Variants in PARVA observed in about 807,000 individuals in gnomAD.
PARVA encodes the protein parvin alpha.
In PARVA, 25 loss-of-function variants were observed where a neutral mutation model predicts 52.6. The observed-to-expected ratio is 0.48, with a 90% CI of 0.35 to 0.66. The LOEUF (loss-of-function observed/expected upper bound fraction) is 0.66. Ranked by LOEUF, PARVA falls within the 30% of genes least tolerant of loss-of-function variation. PARVA has a pLI of 0.01. For missense variants in PARVA, 373 were observed against 450.9 expected (o/e 0.83, Z 1.56); for synonymous variants, 185 against 179.1 (o/e 1.03, Z -0.26).
At chr11:12,520,329 C>T (rs564379388) in intron 12 of PARVA, among the ~76,000 whole-genome samples, 6 of 152,286 alleles carry the variant, frequency 3.9e-5, no homozygotes, top group South Asian at 4.1e-4. Flanking sequence ...CCCAGCATTC[C>T]GTCTGGTTTT....
chr11:12,496,348 G>GTGCATGCATGCATGAC, intron 4 of PARVA, 110 bp from the exon 5 acceptor site: 1 of 1,112,884 alleles, frequency 9.0e-7, no homozygotes, highest in Non-Finnish European at 1.3e-6. Flanking sequence ...TGTTGCAAGA[G>GTGCATGCATGCATGAC]TGCATGCATG....
chr11:12,525,156 T>C (rs1941684695), intron 12 of PARVA, among the ~76,000 whole-genome samples: 1 of 152,130 alleles, frequency 6.6e-6, no homozygotes, highest in South Asian at 2.1e-4. Context: ...AGTGGGAAGG[T>C]AGGCAGGTCG....
At chr11:12,431,072 G>A (rs563360425) in intron 1 of PARVA, among the ~76,000 whole-genome samples, 4 of 152,310 alleles carry the variant, frequency 2.6e-5, no homozygotes, top group South Asian at 4.1e-4. Context: ...ACTGGAAGGC[G>A]GGAATAACCT....
At chr11:12,395,729 G>A (rs1244668627) in intron 1 of PARVA, among the ~76,000 whole-genome samples, 25 of 152,262 alleles carry the variant, frequency 1.6e-4, no homozygotes, top group Non-Finnish European at 2.9e-5. Flanking sequence ...TGGCCAGGAG[G>A]ACCTCCCAAT....
chr11:12,464,669 T>A (rs1449903036), intron 1 of PARVA, among the ~76,000 whole-genome samples: 1 of 152,216 alleles, frequency 6.6e-6, no homozygotes, highest in Non-Finnish European at 1.5e-5. Flanking sequence ...TCTAACCTTC[T>A]AAATGATTTT....
intron 4 of PARVA, among the ~76,000 whole-genome samples, chr11:12,488,387 G>C (rs1005173786): frequency 1.3e-5 from 2 of 152,184 alleles, no homozygotes; most frequent in Non-Finnish European, 2.9e-5. Context: ...GTGTGAAAAG[G>C]AAGGAAATTC....
intron 1 of PARVA, among the ~76,000 whole-genome samples, chr11:12,460,690 A>T (rs966286228): frequency 3.9e-5 from 6 of 152,200 alleles, no homozygotes; most frequent in African/African-American, 1.4e-4. Flanking sequence ...CTAGTAGTTG[A>T]TGTGGCACTT....
At chr11:12,499,355 G>A (rs767298030) in intron 5 of PARVA, among the ~76,000 whole-genome samples, 17 of 151,876 alleles carry the variant, frequency 1.1e-4, no homozygotes, top group East Asian at 1.9e-4. Context: ...ACACTGTGGC[G>A]CCTCTCCGCT....
intron 1 of PARVA, among the ~76,000 whole-genome samples, chr11:12,395,188 A>T (rs915895656): frequency 6.6e-6 from 1 of 152,190 alleles, no homozygotes; most frequent in Non-Finnish European, 1.5e-5. Context: ...GTTTGGTTGA[A>T]AAAAGTCCAC....
At chr11:12,382,293 T>C (rs1300434971) in intron 1 of PARVA, among the ~76,000 whole-genome samples, 3 of 152,162 alleles carry the variant, frequency 2.0e-5, no homozygotes, top group Admixed American at 1.3e-4. Context: ...CTGTTTGTAA[T>C]AGATTTGTTT....
chr11:12,470,564 G>A (rs1424618719), intron 1 of PARVA, among the ~76,000 whole-genome samples: 7 of 152,114 alleles, frequency 4.6e-5, no homozygotes, highest in African/African-American at 1.7e-4. Flanking sequence ...GCCTCATGGG[G>A]GATCTAATAG....
At chr11:12,416,693 T>A (rs958009504) in intron 1 of PARVA, among the ~76,000 whole-genome samples, 8 of 149,516 alleles carry the variant, frequency 5.4e-5, no homozygotes, top group Non-Finnish European at 1.2e-4. Context: ...GAGAACAATT[T>A]TACAAAGAAA....
At chr11:12,463,403 G>A (rs565607449) in intron 1 of PARVA, among the ~76,000 whole-genome samples, 1 of 152,212 alleles carries the variant, frequency 6.6e-6, no homozygotes, top group East Asian at 1.9e-4. Context: ...CAGTTTTGAG[G>A]AGTACTGGTC....
chr11:12,475,382 T>C (rs1237998886), intron 3 of PARVA, among the ~76,000 whole-genome samples: 1 of 152,250 alleles, frequency 6.6e-6, no homozygotes, highest in South Asian at 2.1e-4. Context: ...CCACGTAATA[T>C]TATAGCTTCT....
At chr11:12,385,742 T>C (rs1939563494) in intron 1 of PARVA, among the ~76,000 whole-genome samples, 1 of 152,196 alleles carries the variant, frequency 6.6e-6, no homozygotes, top group African/African-American at 2.4e-5. Context: ...AATTTGAATT[T>C]CCCATTATTT....
chr11:12,525,286 C>T (rs897184115), intron 12 of PARVA, among the ~76,000 whole-genome samples: 2 of 152,162 alleles, frequency 1.3e-5, no homozygotes, highest in Non-Finnish European at 2.9e-5. Flanking sequence ...ACCTTGCAGT[C>T]CATGACAGTG....
At chr11:12,469,060 G>T (rs1160437666) in intron 1 of PARVA, among the ~76,000 whole-genome samples, 4 of 152,168 alleles carry the variant, frequency 2.6e-5, no homozygotes, top group Non-Finnish European at 5.9e-5. Flanking sequence ...GGTTCTTTCA[G>T]CAGGGAAAAC....
intron 1 of PARVA, among the ~76,000 whole-genome samples, chr11:12,414,715 T>A (rs535811737): frequency 6.6e-6 from 1 of 152,290 alleles, no homozygotes; most frequent in Admixed American, 6.5e-5. Flanking sequence ...CATTTGATCT[T>A]GTTTTCATAT....
chr11:12,511,184 A>T (rs1276505988), intron 7 of PARVA, among the ~76,000 whole-genome samples: 1 of 152,210 alleles, frequency 6.6e-6, no homozygotes, highest in Non-Finnish European at 1.5e-5. Flanking sequence ...CCCTGAGTCC[A>T]ATATTCTTTA....
Sources: gnomAD v4.1 joint callset for allele counts (sites outside exome capture counted in the v4.1 genomes callset) on GRCh38, gnomAD v4.1.1 for gene constraint, MANE v1.5 for transcripts, NCBI Gene and HGNC (gene_info 2026-07-23, HGNC 2026-07-21) for gene names.